Variants in PPP2R5E observed in about 807,000 individuals in gnomAD.
The protein encoded by PPP2R5E is serine/threonine-protein phosphatase 2A 56 kDa regulatory subunit epsilon isoform.
In PPP2R5E, 4 loss-of-function variants were observed where a neutral mutation model predicts 65.3. That is an observed-to-expected ratio of 0.06 (90% CI 0.03 to 0.14). The LOEUF (loss-of-function observed/expected upper bound fraction) is 0.14. PPP2R5E is among the 10% of genes least tolerant of loss of function. The pLI is 1.00. For missense variants in PPP2R5E, 274 were observed against 556.1 expected (o/e 0.49, Z 5.10); for synonymous variants, 183 against 187.4 (o/e 0.98, Z 0.19).
chr14:63,433,403 G>T (rs1887794632), intron 3 of PPP2R5E, among the ~76,000 whole-genome samples: 1 of 152,062 alleles, frequency 6.6e-6, no homozygotes, highest in Non-Finnish European at 1.5e-5. Context: ...TGCCTATAGT[G>T]AGACTGGCTG....
chr14:63,467,210 A>C (rs1397182443), intron 2 of PPP2R5E, among the ~76,000 whole-genome samples: 1 of 142,020 alleles, frequency 7.0e-6, no homozygotes, highest in Non-Finnish European at 1.5e-5. Context: ...GTGACAGAGC[A>C]AGACTCCGTC....
Position 63,392,712 on chromosome 14 carries a change from A to G in PPP2R5E, c.850-687T>C, listed in dbSNP as rs1594820632. ...CAAAAGAACATTTTGATGGTGTTCTAAATTAGAAACATATGGATTAATTTT... is the reference window on the plus strand; with the variant it reads ...CAAAAGAACATTTTGATGGTGTTCTGAATTAGAAACATATGGATTAATTTT... On this transcript the variant is annotated intron_variant, in intron 8 of 13. Coordinates refer to ENST00000337537, the MANE Select transcript of PPP2R5E (RefSeq NM_006246.5). Among the ~76,000 whole-genome samples, 3 of 152,382 alleles carry G rather than the reference A, an allele frequency of 2.0e-5. No individual in the cohort carries two copies. The Middle Eastern group carries it at 0.01, about 518-fold the overall frequency.
chr14:63,423,741 ATAAT>A (rs1468286389), intron 3 of PPP2R5E, among the ~76,000 whole-genome samples: 1 of 152,234 alleles, frequency 6.6e-6, no homozygotes. Flanking sequence ...CATCCAGTAA[ATAAT>A]TATTAAGTGC....
chr14:63,412,906 C>T (rs956615284), intron 5 of PPP2R5E, among the ~76,000 whole-genome samples: 1 of 152,134 alleles, frequency 6.6e-6, no homozygotes, highest in African/African-American at 2.4e-5. Context: ...AACACAAAAG[C>T]TGTGTTCTAA....
At chr14:63,528,569 G>C (rs1197887640) in intron 2 of PPP2R5E, among the ~76,000 whole-genome samples, 1 of 151,844 alleles carries the variant, frequency 6.6e-6, no homozygotes, top group Non-Finnish European at 1.5e-5. Flanking sequence ...AACCCACTCA[G>C]GATTTTAATT....
At chr14:63,383,837 G>A (rs1308956309) in intron 12 of PPP2R5E, among the ~76,000 whole-genome samples, 2 of 152,114 alleles carry the variant, frequency 1.3e-5, no homozygotes, top group Non-Finnish European at 1.5e-5. Context: ...TATAGCGACT[G>A]AGTTGGCTGT....
intron 5 of PPP2R5E, among the ~76,000 whole-genome samples, chr14:63,407,601 A>G (rs534964024): frequency 6.6e-6 from 1 of 152,240 alleles, no homozygotes; most frequent in Non-Finnish European, 1.5e-5. Flanking sequence ...AGTGAAGATC[A>G]TCACACATAA....
At chr14:63,466,754 CGTAT>C (rs753748535) in intron 2 of PPP2R5E, among the ~76,000 whole-genome samples, 5 of 151,868 alleles carry the variant, frequency 3.3e-5, no homozygotes, top group Non-Finnish European at 5.9e-5. Flanking sequence ...TGTGTACTTA[CGTAT>C]GTATGTGTGT....
intron 2 of PPP2R5E, among the ~76,000 whole-genome samples, chr14:63,494,405 T>C (rs949760766): frequency 1.3e-5 from 2 of 151,990 alleles, no homozygotes; most frequent in Admixed American, 6.6e-5. Context: ...GGCTAATTTT[T>C]TGTATTTTTA....
chr14:63,541,591 T>C (rs1893907443), intron 1 of PPP2R5E, among the ~76,000 whole-genome samples: 1 of 152,152 alleles, frequency 6.6e-6, no homozygotes, highest in Non-Finnish European at 1.5e-5. Flanking sequence ...AAAGAATGCA[T>C]ATGGGGGAAA....
In PPP2R5E at chr14:63,467,251, A is replaced by C. The variant is rs557532820; in HGVS notation, c.158-13366T>G. Reference sequence around the variant, plus strand: ...AAAAACAAACAAACAAACAAAAAAAACACTATTTACAACATGTTCCTTCTA... The same window carrying C: ...AAAAACAAACAAACAAACAAAAAAACCACTATTTACAACATGTTCCTTCTA... On this transcript the variant is annotated intron_variant, in intron 2 of 13. Coordinates refer to ENST00000337537, the MANE Select transcript of PPP2R5E (RefSeq NM_006246.5). 8.0e-4 allele frequency among the ~76,000 whole-genome samples: 120 copies of C among 150,824 alleles called. 6 individuals are homozygous for C. The highest frequency in any genetic ancestry group is 2.8e-3 in the African/African-American group (114 of 40,712).
intron 2 of PPP2R5E, among the ~76,000 whole-genome samples, chr14:63,519,507 A>ATTTTTTTTTTTTTTTTTTT (rs557285871): frequency 8.0e-6 from 1 of 124,326 alleles, no homozygotes; most frequent in African/African-American, 3.3e-5. Flanking sequence ...TGCCCAGCTA[A>ATTTTTTTTTTTTTTTTTTT]TTTTTTTTTT....
chr14:63,429,545 TATTC>T (rs1057169145), intron 3 of PPP2R5E, among the ~76,000 whole-genome samples: 8 of 152,252 alleles, frequency 5.3e-5, no homozygotes, highest in African/African-American at 1.4e-4. Flanking sequence ...CCAGTTTATG[TATTC>T]ATTCATTCAA....
At chr14:63,459,183 T>C (rs1889319721) in intron 2 of PPP2R5E, among the ~76,000 whole-genome samples, 1 of 152,212 alleles carries the variant, frequency 6.6e-6, no homozygotes, top group Non-Finnish European at 1.5e-5. Context: ...AAATAAAACA[T>C]TATTAAGCAG....
Position 63,499,931 on chromosome 14 carries a change from T to G in PPP2R5E, c.157+39598A>C, listed in dbSNP as rs563613207. On this transcript the variant is annotated intron_variant, in intron 2 of 13. Coordinates refer to ENST00000337537, the MANE Select transcript of PPP2R5E (RefSeq NM_006246.5). ...TTCCTAGCCCAATATCTCCAGTTTT[T>G]TGTCTGGTATTTCACAATCCCTCTG... 7.2e-5 allele frequency among the ~76,000 whole-genome samples: 11 copies of G among 152,326 alleles called. No homozygotes were observed. In the East Asian group the frequency reaches 2.1e-3, roughly 29 times the overall value.
At chr14:63,426,674 G>A (rs1028758484) in intron 3 of PPP2R5E, among the ~76,000 whole-genome samples, 3 of 131,790 alleles carry the variant, frequency 2.3e-5, no homozygotes, top group Non-Finnish European at 4.6e-5. Flanking sequence ...AAGAATCACA[G>A]CCTCCAGGAG....
chr14:63,399,565 T>C (rs1021449490), intron 5 of PPP2R5E, among the ~76,000 whole-genome samples: 14 of 151,978 alleles, frequency 9.2e-5, no homozygotes, highest in South Asian at 4.2e-4. Flanking sequence ...GTGGTGATGG[T>C]TGCATGACTC....
chr14:63,483,757 C>T lies in PPP2R5E; in HGVS notation c.158-29872G>A, dbSNP rs73276514. On this transcript the variant is annotated intron_variant, in intron 2 of 13. Transcript: ENST00000337537. Reference sequence around the variant, plus strand: ...ATAGGAAGAAAGGAAAGAGCAGAGCCGAGATGGGGGAAGGAGAGAGCAGCA... The same window carrying T: ...ATAGGAAGAAAGGAAAGAGCAGAGCTGAGATGGGGGAAGGAGAGAGCAGCA... Among the ~76,000 whole-genome samples, 622 of 152,094 alleles carry T rather than the reference C, an allele frequency of 4.1e-3. 2 individuals carry two copies. Among genetic ancestry groups the T allele is most frequent in the African/African-American group, 0.014 (578 of 41,510 alleles).
intron 2 of PPP2R5E, among the ~76,000 whole-genome samples, chr14:63,462,229 C>T (rs1889522278): frequency 6.6e-6 from 1 of 152,058 alleles, no homozygotes; most frequent in Admixed American, 6.6e-5. Flanking sequence ...TGCCACCTTG[C>T]CCGGCTAATT....
Sources: gnomAD v4.1 joint callset for allele counts (sites outside exome capture counted in the v4.1 genomes callset) on GRCh38, gnomAD v4.1.1 for gene constraint, MANE v1.5 for transcripts, NCBI Gene and HGNC (gene_info 2026-07-23, HGNC 2026-07-21) for gene names.